DOCK2: variants seen among roughly 807,000 people sequenced by gnomAD.
The protein encoded by DOCK2 is dedicator of cytokinesis protein 2.
A neutral mutation model predicts 248.9 loss-of-function variants in DOCK2; 87 were observed. The observed-to-expected ratio is 0.35, with a 90% CI of 0.29 to 0.42. The LOEUF (loss-of-function observed/expected upper bound fraction) is 0.42. Ranked by LOEUF, DOCK2 falls within the 10% of genes least tolerant of loss-of-function variation. The pLI is 1.00. For missense variants in DOCK2, 1,747 were observed against 2,300.2 expected (o/e 0.76, Z 4.92); for synonymous variants, 805 against 821.6 (o/e 0.98, Z 0.35).
At chr5:169,650,667 G>T (rs1164151361) in intron 1 of DOCK2, among the ~76,000 whole-genome samples, 1 of 152,180 alleles carries the variant, frequency 6.6e-6, no homozygotes, top group African/African-American at 2.4e-5. Flanking sequence ...GCCAACCTGG[G>T]ATTTCCAATG....
At chr5:169,983,469 AG>A (rs1777991148) in intron 28 of DOCK2, among the ~76,000 whole-genome samples, 1 of 152,202 alleles carries the variant, frequency 6.6e-6, no homozygotes, top group Non-Finnish European at 1.5e-5. Flanking sequence ...AGGGCTAAGA[AG>A]GGGTTGCACG....
intron 25 of DOCK2, among the ~76,000 whole-genome samples, chr5:169,769,197 C>A (rs1764956007): frequency 6.6e-6 from 1 of 152,142 alleles, no homozygotes; most frequent in Admixed American, 6.5e-5. Context: ...CTAGATTTAA[C>A]CAGTTTTTCT....
intron 27 of DOCK2, among the ~76,000 whole-genome samples, chr5:169,870,283 C>G (rs1771870194): frequency 6.6e-6 from 1 of 152,144 alleles, no homozygotes; most frequent in Admixed American, 6.5e-5. Context: ...AGTGCTCCAG[C>G]CATCATGCTC....
chr5:169,670,514 T>TTATTC (rs778350379), intron 3 of DOCK2, 28 bp from the exon 4 acceptor site: 28 of 1,598,044 alleles, frequency 1.8e-5, no homozygotes, highest in Non-Finnish European at 2.2e-5. Flanking sequence ...TTATTTTATT[T>TTATTC]TGTTTTGTTT....
intron 32 of DOCK2, among the ~76,000 whole-genome samples, chr5:170,016,685 C>T (rs1397762641): frequency 2.0e-5 from 3 of 152,218 alleles, no homozygotes; most frequent in Non-Finnish European, 4.4e-5. Flanking sequence ...TTATCATGCC[C>T]AATGCCCTCC....
chr5:169,741,105 G>T (rs911527322), intron 22 of DOCK2, among the ~76,000 whole-genome samples: 1 of 152,170 alleles, frequency 6.6e-6, no homozygotes, highest in Non-Finnish European at 1.5e-5. Flanking sequence ...GATTATAGGT[G>T]TGAGCCACTG....
chr5:169,729,265 CTAG>C (rs1419407349), intron 22 of DOCK2, among the ~76,000 whole-genome samples: 3 of 152,208 alleles, frequency 2.0e-5, no homozygotes, highest in Non-Finnish European at 4.4e-5. Context: ...ATTGGTATGA[CTAG>C]ACGTACTTTG....
intron 2 of DOCK2, among the ~76,000 whole-genome samples, chr5:169,662,773 A>G (rs1237540495): frequency 1.3e-5 from 2 of 152,206 alleles, no homozygotes; most frequent in Non-Finnish European, 2.9e-5. Flanking sequence ...ACTTCCCACC[A>G]GGTCCCTCCC....
chr5:170,004,491 T>C (rs936727659), intron 30 of DOCK2, among the ~76,000 whole-genome samples: 2 of 152,226 alleles, frequency 1.3e-5, no homozygotes, highest in African/African-American at 4.8e-5. Flanking sequence ...AAGTGTCTGT[T>C]CATGGAAGTC....
chr5:169,642,666 C>T (rs1757215166), intron 1 of DOCK2, among the ~76,000 whole-genome samples: 1 of 152,212 alleles, frequency 6.6e-6, no homozygotes, highest in South Asian at 2.1e-4. Flanking sequence ...TTCCTACTTT[C>T]AGATGCTTCA....
rs565159533 is a variant in DOCK2, at chr5:169,733,365, A to T, written c.2268-14031A>T. On this transcript the variant is annotated intron_variant, in intron 22 of 51. Transcript: ENST00000520908. ...CCTCCTTCTTAAATATCATGCTAGA[A>T]TTATGCAGCATTTTAGTTTTACTTT... is the stretch of plus-strand genomic sequence containing the variant. Among the ~76,000 whole-genome samples, 18 of 151,964 alleles carry T rather than the reference A, an allele frequency of 1.2e-4. No homozygotes were observed. In the South Asian group the frequency reaches 3.5e-3, roughly 30 times the overall value.
intron 6 of DOCK2, among the ~76,000 whole-genome samples, chr5:169,680,112 T>C (rs1192434452): frequency 1.3e-5 from 2 of 152,186 alleles, no homozygotes; most frequent in African/African-American, 4.8e-5. Context: ...CTCCTATCTA[T>C]TATAGTAAGC....
At chr5:169,956,011 G>T (rs1776850828) in intron 27 of DOCK2, among the ~76,000 whole-genome samples, 1 of 149,914 alleles carries the variant, frequency 6.7e-6, no homozygotes, top group Non-Finnish European at 1.5e-5. Context: ...GGGAAACAAA[G>T]AGTCAAATGT....
chr5:170,060,602 C>A (rs1757295568), intron 44 of DOCK2, among the ~76,000 whole-genome samples: 1 of 152,176 alleles, frequency 6.6e-6, no homozygotes, highest in Admixed American at 6.5e-5. Context: ...AAAACTGAGG[C>A]CTAGCAATGG....
intron 27 of DOCK2, among the ~76,000 whole-genome samples, chr5:169,979,066 G>C (rs1191519777): frequency 6.6e-6 from 1 of 152,160 alleles, no homozygotes; most frequent in African/African-American, 2.4e-5. Context: ...CTCATTCCTA[G>C]GTAGTAAATA....
At chr5:169,816,306 C>T (rs765431251) in intron 26 of DOCK2, among the ~76,000 whole-genome samples, 25 of 152,198 alleles carry the variant, frequency 1.6e-4, no homozygotes, top group Non-Finnish European at 3.4e-4. Flanking sequence ...AAGGAAGCTT[C>T]CAGCAAATGA....
At chr5:169,689,374 A>G in intron 9 of DOCK2, 41 bp downstream of exon 9, 1 of 1,607,044 alleles carries the variant, frequency 6.2e-7, no homozygotes, top group Non-Finnish European at 8.5e-7. Flanking sequence ...CTCCCCAACC[A>G]CAAAAATGTG....
At chr5:169,681,614 A>T in intron 6 of DOCK2, 130 bp from the exon 7 acceptor site, 1 of 1,112,092 alleles carries the variant, frequency 9.0e-7, no homozygotes, top group Non-Finnish European at 1.3e-6. Flanking sequence ...GTCCCAGGCT[A>T]TCAGTGTAGA....
intron 32 of DOCK2, among the ~76,000 whole-genome samples, chr5:170,014,384 G>C (rs899098855): frequency 4.6e-5 from 7 of 152,036 alleles, no homozygotes; most frequent in Admixed American, 2.6e-4. Context: ...AAAATTAAAA[G>C]AATAAAGTTA....
Sources: allele counts gnomAD v4.1 joint callset (sites outside exome capture counted in the v4.1 genomes callset), GRCh38; gene constraint gnomAD v4.1.1; transcripts MANE v1.5; gene names NCBI Gene and HGNC (gene_info 2026-07-23, HGNC 2026-07-21).